CIROZ: variants seen among roughly 807,000 people sequenced by gnomAD.
CIROZ encodes ciliated left-right organizer ZP-N domains-containing protein.
the CIROZ span, chr1:10,949,242 A>T: frequency 1.8e-4 from 43 of 240,022 alleles, 1 homozygote; most frequent in African/African-American, 9.2e-4. Context: ...AAAAAAAAGA[A>T]GAGCTGGAGG....
chr1:10,970,016 G>A, the CIROZ span: 21 of 1,536,878 alleles, frequency 1.4e-5, no homozygotes, highest in African/African-American at 1.6e-4. Context: ...GCCCCTCCAC[G>A]TGGCTCCTTG....
chr1:10,973,735 G>A, the CIROZ span, among the ~76,000 whole-genome samples: 60 of 152,250 alleles, frequency 3.9e-4, no homozygotes, highest in African/African-American at 1.4e-3. Context: ...AACCGCAGCT[G>A]CAGATCCAGG....
At chr1:10,972,465 ACT>A in the CIROZ span, among the ~76,000 whole-genome samples, 428 of 148,806 alleles carry the variant, frequency 2.9e-3, 3 homozygotes, top group African/African-American at 0.01. Context: ...ACACACACAC[ACT>A]CTAGAATTAT....
chr1:10,959,807 G>A, the CIROZ span, among the ~76,000 whole-genome samples: 1 of 152,382 alleles, frequency 6.6e-6, no homozygotes, highest in South Asian at 2.1e-4. The surrounding 1 kb of genome is among the most constrained non-coding windows in gnomAD (Gnocchi z 4.3). Context: ...TGGCCCCAGA[G>A]AGCCCATGTT....
the CIROZ span, chr1:10,964,297 T>C: frequency 1.9e-6 from 3 of 1,583,936 alleles, no homozygotes; most frequent in Non-Finnish European, 2.6e-6. Flanking sequence ...AATTCATGTA[T>C]GCAAATGAGA....
chr1:10,968,041 C>T, the CIROZ span, among the ~76,000 whole-genome samples: 78 of 152,024 alleles, frequency 5.1e-4, no homozygotes, highest in Non-Finnish European at 9.0e-4. Context: ...CACCTGTAGT[C>T]CCAGCTACTC....
the CIROZ span, among the ~76,000 whole-genome samples, chr1:10,979,879 C>T: frequency 6.6e-6 from 1 of 152,270 alleles, no homozygotes; most frequent in Non-Finnish European, 1.5e-5. Context: ...GAAACCCTAT[C>T]TCTACTAAAA....
At chr1:10,978,113 G>C in the CIROZ span, among the ~76,000 whole-genome samples, 1 of 150,960 alleles carries the variant, frequency 6.6e-6, no homozygotes, top group Non-Finnish European at 1.5e-5. Flanking sequence ...AAGTCGCAGT[G>C]AGCTGAGAGC....
chr1:10,963,823 TGGTGATAACCCGAC>T, the CIROZ span, among the ~76,000 whole-genome samples: 1 of 152,046 alleles, frequency 6.6e-6, no homozygotes, highest in Non-Finnish European at 1.5e-5. Flanking sequence ...TTTGCAGCTT[TGGTGATAACCCGAC>T]TGGCCCCCTG....
At chr1:10,969,253 T>G in the CIROZ span, among the ~76,000 whole-genome samples, 1 of 151,640 alleles carries the variant, frequency 6.6e-6, no homozygotes. Context: ...GCCACCGAGA[T>G]GCAGAGCATG....
chr1:10,980,907 C>G, the CIROZ span, among the ~76,000 whole-genome samples: 1 of 152,236 alleles, frequency 6.6e-6, no homozygotes, highest in African/African-American at 2.4e-5. Context: ...GCCCGGACCT[C>G]CCCCTTGCTC....
chr1:10,961,256 G>A, the CIROZ span, among the ~76,000 whole-genome samples: 2 of 152,114 alleles, frequency 1.3e-5, no homozygotes. Flanking sequence ...TGTCAAACAG[G>A]TGCCCTGGCA....
chr1:10,954,008 G>GC, the CIROZ span: 1 of 1,607,282 alleles, frequency 6.2e-7, no homozygotes, highest in African/African-American at 1.3e-5. Context: ...CCCTCATGGT[G>GC]CCTCACTCAC....
At chr1:10,953,377 C>T in the CIROZ span, among the ~76,000 whole-genome samples, 1 of 152,224 alleles carries the variant, frequency 6.6e-6, no homozygotes, top group Non-Finnish European at 1.5e-5. Flanking sequence ...GGTGGTTTTG[C>T]ATGTGTGAAT....
the CIROZ span, among the ~76,000 whole-genome samples, chr1:10,963,317 A>T: frequency 6.6e-6 from 1 of 152,184 alleles, no homozygotes; most frequent in Non-Finnish European, 1.5e-5. Flanking sequence ...TGAACCCAGG[A>T]GGCAGATGTT....
At chr1:10,958,573 C>A in the CIROZ span, 1 of 1,010,892 alleles carries the variant, frequency 9.9e-7, no homozygotes, top group Non-Finnish European at 1.5e-6. Context: ...AAGACCTGGT[C>A]CTTGAAGAGT....
chr1:10,971,006 G>A, the CIROZ span, among the ~76,000 whole-genome samples: 2 of 141,652 alleles, frequency 1.4e-5, no homozygotes, highest in Non-Finnish European at 3.0e-5. Flanking sequence ...GTTTAAATTA[G>A]CGGAGCATCG....
the CIROZ span, among the ~76,000 whole-genome samples, chr1:10,969,599 A>G: frequency 9.6e-3 from 1,469 of 152,312 alleles, 23 homozygotes; most frequent in African/African-American, 0.034. Context: ...TTGTTCATTC[A>G]ACAAATATTT....
the CIROZ span, chr1:10,957,485 G>A: frequency 6.3e-5 from 86 of 1,372,140 alleles, 2 homozygotes; most frequent in South Asian, 7.6e-4. Context: ...TTTCGAAGGC[G>A]CCTGCCTAAA....
Sources: allele counts gnomAD v4.1 joint callset (sites outside exome capture counted in the v4.1 genomes callset), GRCh38; gene constraint gnomAD v4.1.1; non-coding constraint Gnocchi (gnomAD v3.1); transcripts MANE v1.5; gene names NCBI Gene and HGNC (gene_info 2026-07-23, HGNC 2026-07-21).